UBC: variants seen among roughly 807,000 people sequenced by gnomAD.
The protein encoded by UBC is ubiquitin C, also known as polyubiquitin-C.
UBC carries 8 observed loss-of-function variants against 34.7 expected under a neutral mutation model. That is an observed-to-expected ratio of 0.23 (90% confidence interval 0.14 to 0.42). The LOEUF is 0.42. Among genes scored for constraint, UBC ranks in the 10% least tolerant of loss-of-function variants. The pLI is 1.00. For synonymous variants in UBC, 367 were observed against 299.8 expected (o/e 1.22, Z -2.32); for missense variants, 323 against 750.3 (o/e 0.43, Z 6.65).
chr12:124,911,652 A>T lies in UBC; in HGVS notation c.*62T>A, dbSNP rs1953527681. 4 of 1,434,296 alleles carry T rather than the reference A, an allele frequency of 2.8e-6. No individual in the cohort carries two copies. The Admixed American group carries it at 8.7e-5, about 31-fold the overall frequency. The allele number at this position is 1,434,296 out of a possible 1,614,324, so 88.8% of individuals were successfully genotyped here. A position where few individuals can be genotyped will look rare whatever the true frequency, so the allele number is the denominator to read the frequency against. ...AAAAAAAAAAAAACACCAATTGGGA[A>T]TGCAACAACTTTATTGAAAGGAAAG... On this transcript the variant is annotated 3_prime_UTR_variant, in exon 2 of 2. Transcript: ENST00000339647.
chr12:124,914,036 C>A (rs1953571014), intron 1 of UBC: 2 of 543,728 alleles, frequency 3.7e-6, no homozygotes, highest in Non-Finnish European at 6.4e-6. Context: ...TTCAGGAGAG[C>A]CTACCCTAGG....
In UBC at chr12:124,912,701, A is replaced by T. The variant is rs776904616; in HGVS notation, c.1071T>A (p.Gly357=). 18 of 1,599,456 alleles carry T rather than the reference A, an allele frequency of 1.1e-5. No homozygotes were observed. The African/African-American group carries it at 1.3e-4, about 12-fold the overall frequency. Residue 357 remains glycine, a synonymous_variant, in exon 2 of 2, where the codon GGT becomes GGA. Transcript: ENST00000339647. ...LIFAGKQLED[G]RTLSDYNIQK... ...GGATGTTGTAGTCAGACAGGGTACG[A>T]CCATCTTCCAGCTGTTTTCCGGCAA...
intron 1 of UBC, chr12:124,914,042 C>T: frequency 1.9e-6 from 1 of 521,426 alleles, no homozygotes; most frequent in Non-Finnish European, 3.3e-6. Flanking sequence ...AGAGCCTACC[C>T]TAGGCCCGAA....
At chr12:124,914,267 G>T (rs1382529986) in intron 1 of UBC, 3 of 183,290 alleles carry the variant, frequency 1.6e-5, no homozygotes, top group Non-Finnish European at 3.5e-5. Context: ...TTCACGTCAG[G>T]GTCCCCAGAT....
intron 1 of UBC, chr12:124,914,065 C>A (rs1007512180): frequency 1.1e-5 from 5 of 445,116 alleles, no homozygotes; most frequent in African/African-American, 2.0e-5. Context: ...CTGCGTCCTG[C>A]GACGGAGAAA....
rs775634120 is a variant in UBC, at chr12:124,912,869, G to C, written c.903C>G (p.Leu301=). ...TCACGAAGATCTGCATCCCACCTCTGAGACGGAGCACCAGGTGCAGGGTAG... is the reference window on the plus strand; with the variant it reads ...TCACGAAGATCTGCATCCCACCTCTCAGACGGAGCACCAGGTGCAGGGTAG... ...KESTLHLVLR[L]RGGMQIFVKT... is the part of the protein sequence containing the mutation. Residue 301 remains leucine, a synonymous_variant, in exon 2 of 2, where the codon CTC becomes CTG. Transcript: ENST00000339647. 4.4e-6 allele frequency: 7 copies of C among 1,606,420 alleles called. No individual in the cohort carries two copies. The highest frequency in any genetic ancestry group is 5.9e-6 in the Non-Finnish European group (7 of 1,176,576).
chr12:124,913,969 C>T, intron 1 of UBC, 195 bp from the exon 2 acceptor site: 1 of 851,884 alleles, frequency 1.2e-6, no homozygotes, highest in Non-Finnish European at 1.8e-6. Context: ...TAAAACCGAC[C>T]AGAGAAACTG....
chr12:124,913,994 C>A, intron 1 of UBC: 1 of 672,348 alleles, frequency 1.5e-6, no homozygotes, highest in Non-Finnish European at 2.4e-6. Flanking sequence ...CTCACTTATC[C>A]CTCCCCTCAC....
intron 1 of UBC, 48 bp from the exon 2 acceptor site, chr12:124,913,822 G>A (rs552650928): frequency 5.0e-6 from 8 of 1,596,674 alleles, no homozygotes; most frequent in South Asian, 4.5e-5. Flanking sequence ...CAATTTACTA[G>A]TCTAACACTG....
chr12:124,914,391 C>G (rs1010902613), intron 1 of UBC, 196 bp downstream of exon 1: 6 of 156,808 alleles, frequency 3.8e-5, no homozygotes, highest in African/African-American at 1.2e-4. Context: ...GACCTCACAG[C>G]CCGCCTCACA....
At chr12:124,914,202 A>G (rs540341423) in intron 1 of UBC, 488 of 208,374 alleles carry the variant, frequency 2.3e-3, no homozygotes, top group Non-Finnish European at 3.7e-3. Flanking sequence ...CGGCACCGCC[A>G]TAACTGCCGC....
At chr12:124,914,436 AT>A in intron 1 of UBC, 150 bp downstream of exon 1, 1 of 154,982 alleles carries the variant, frequency 6.5e-6, no homozygotes, top group Non-Finnish European at 1.4e-5. Flanking sequence ...AACAGCCGCC[AT>A]TTTGCTGCGC....
intron 1 of UBC, chr12:124,914,122 G>A (rs956968487): frequency 4.3e-4 from 133 of 312,282 alleles, no homozygotes; most frequent in African/African-American, 2.8e-3. Context: ...TGCATTATAA[G>A]CCAACAGAAC....
rs1566300795 is a variant in UBC, at chr12:124,911,715, T to C, written c.2057A>G (p.Ter686=). 1 of 1,612,758 alleles carries C rather than the reference T, an allele frequency of 6.2e-7. No individual in the cohort carries two copies. Residue 686 remains the stop codon, a stop_retained_variant, in exon 2 of 2, where the codon TAA becomes TGA. Transcript: ENST00000339647. Reference sequence around the variant, plus strand: ...TGTTGAAACCTTAAAAGGGGAAACTTAGACACCCCCCCTCAAGCGCAGGAC... The same window carrying C: ...TGTTGAAACCTTAAAAGGGGAAACTCAGACACCCCCCCTCAAGCGCAGGAC... The part of the protein sequence containing the change: ...HLVLRLRGGV[*]
Position 124,914,108 on chromosome 12 carries a change from A to C in UBC, c.-3-334T>G, listed in dbSNP as rs536196984. ...CGCACACCTACCGGCAGGTGGCCCCACCCTGCATTATAAGCCAACAGAACG... is the reference window on the plus strand; with the variant it reads ...CGCACACCTACCGGCAGGTGGCCCCCCCCTGCATTATAAGCCAACAGAACG... On this transcript the variant is annotated intron_variant, in intron 1 of 1. Transcript: ENST00000339647. 5 of 344,212 alleles carry C rather than the reference A, an allele frequency of 1.5e-5. No individual in the cohort carries two copies. The East Asian group carries it at 2.7e-4, about 19-fold the overall frequency. The allele number at this position is 344,212 out of a possible 1,614,324, so 21.3% of individuals were successfully genotyped here.
rs748232641 is a variant in UBC at position 124,913,037 on chromosome 12, G to A, written c.735C>T (p.Val245=). 8.8e-6 allele frequency: 14 copies of A among 1,598,892 alleles called. No homozygotes were observed. In the Admixed American group the frequency reaches 1.7e-4, roughly 20 times the overall value. Residue 245 remains valine, a synonymous_variant, in exon 2 of 2, where the codon GTC becomes GTT. Transcript: ENST00000339647. Reference sequence around the variant, plus strand: ...CGTTCTCGATAGTGTCACTGGGCTCGACCTCAAGGGTGATGGTCTTGCCAG... The same window carrying A: ...CGTTCTCGATAGTGTCACTGGGCTCAACCTCAAGGGTGATGGTCTTGCCAG... ...TLTGKTITLE[V]EPSDTIENVK... is the part of the protein sequence containing the mutation.
Position 124,911,989 on chromosome 12 carries a change from T to C in UBC, c.1783A>G (p.Lys595Glu), listed in dbSNP as rs766977430. ...GRTLSDYNIQ[K>E]ESTLHLVLRL... ...AGCACCAGGTGCAGGGTGGACTCTT[T>C]CTGGATGTTGTAGTCAGACAGGGTG... The change falls in exon 2 of 2, where the codon AAA (lysine) becomes GAA (glutamate). Residue 595 changes from lysine (K) to glutamate (E), a missense_variant. By Grantham distance (56) the Lys-to-Glu change is moderately conservative (BLOSUM62 1). This residue lies in a region of UBC where 49 missense variants were observed against 112.6 expected (regional missense o/e 0.44). Coordinates refer to ENST00000339647, the MANE Select transcript of UBC (RefSeq NM_021009.7). 6.3e-7 allele frequency: 1 copy of C among 1,576,090 alleles called. No individual in the cohort carries two copies. Among genetic ancestry groups the C allele is most frequent in the Non-Finnish European group, 8.6e-7 (1 of 1,157,898 alleles).
chr12:124,913,901 C>T, intron 1 of UBC, 127 bp from the exon 2 acceptor site: 2 of 1,432,554 alleles, frequency 1.4e-6, no homozygotes, highest in South Asian at 1.4e-5. Context: ...AACACACTCG[C>T]CAACCCCGAG....
In UBC at chr12:124,913,707, G is replaced by A. The variant is rs367651423; in HGVS notation, c.65C>T (p.Thr22Ile). Residue 22 changes from threonine (T) to isoleucine (I), a missense_variant, in exon 2 of 2, where the codon ACC becomes ATC. This residue lies in a region of UBC where 202 missense variants were observed against 361.9 expected (regional missense o/e 0.56). Transcript: ENST00000339647. ...GATCTTTGCCTTGACATTCTCGATG[G>A]TGTCACTGGGCTCAACCTCGAGGGT... ...TITLEVEPSD[T>I]IENVKAKIQD... 8 of 1,613,990 alleles carry A rather than the reference G, an allele frequency of 5.0e-6. No individual in the cohort carries two copies. The highest frequency in any genetic ancestry group is 1.3e-5 in the African/African-American group (1 of 74,878).
Sources: gnomAD v4.1 joint callset for allele counts on GRCh38, gnomAD v4.1.1 for gene constraint, gnomAD v4.1.1 regional missense constraint, MANE v1.5 for transcripts, NCBI Gene and HGNC (gene_info 2026-07-23, HGNC 2026-07-21) for gene names.